Variants in THRB observed in about 807,000 individuals in gnomAD.
THRB encodes nuclear receptor subfamily 1 group A member 2.
THRB carries 12 observed loss-of-function variants against 47.8 expected under a neutral mutation model. That is an observed-to-expected ratio of 0.25 (90% CI 0.16 to 0.41). The LOEUF (loss-of-function observed/expected upper bound fraction) is 0.41. THRB is among the 10% of genes least tolerant of loss of function. The pLI is 1.00. For synonymous variants in THRB, 218 were observed against 212.2 expected (o/e 1.03, Z -0.24); for missense variants, 348 against 589.2 (o/e 0.59, Z 4.24).
intron 4 of THRB, among the ~76,000 whole-genome samples, chr3:24,220,234 T>TA (rs1322169916): frequency 2.0e-5 from 3 of 152,160 alleles, no homozygotes; most frequent in African/African-American, 7.2e-5. Context: ...CTCATGCCTG[T>TA]AATCCCAGCA....
intron 3 of THRB, among the ~76,000 whole-genome samples, chr3:24,281,561 C>A (rs1216507821): frequency 6.8e-6 from 1 of 146,574 alleles, no homozygotes; most frequent in African/African-American, 2.5e-5. Context: ...ATCATAATGA[C>A]AGGATCAAAT....
chr3:24,332,145 C>A (rs2061968858), intron 2 of THRB, among the ~76,000 whole-genome samples: 1 of 152,188 alleles, frequency 6.6e-6, no homozygotes, highest in Admixed American at 6.5e-5. Context: ...TCTGGTAAGA[C>A]CCCCTAAAGA....
At chr3:24,358,167 A>C (rs2063817076) in intron 1 of THRB, among the ~76,000 whole-genome samples, 1 of 152,188 alleles carries the variant, frequency 6.6e-6, no homozygotes, top group Non-Finnish European at 1.5e-5. Flanking sequence ...TTACTAATTC[A>C]TAAGAGTGCT....
At chr3:24,321,822 G>C (rs915912889) in intron 2 of THRB, among the ~76,000 whole-genome samples, 1 of 152,018 alleles carries the variant, frequency 6.6e-6, no homozygotes, top group Non-Finnish European at 1.5e-5. Flanking sequence ...TGTGCTATAA[G>C]TATAAGATAC....
chr3:24,413,133 C>T (rs1250936912), intron 1 of THRB, among the ~76,000 whole-genome samples: 1 of 151,846 alleles, frequency 6.6e-6, no homozygotes, highest in Non-Finnish European at 1.5e-5. Flanking sequence ...CAGCTTTATA[C>T]ACAAAAATGT....
chr3:24,215,863 G>C (rs1444266157), intron 4 of THRB, among the ~76,000 whole-genome samples: 1 of 152,162 alleles, frequency 6.6e-6, no homozygotes, highest in Non-Finnish European at 1.5e-5. Context: ...AGAAAATTCT[G>C]AAGTCCTAGA....
chr3:24,319,610 C>G (rs2058346656), intron 2 of THRB, among the ~76,000 whole-genome samples: 1 of 152,162 alleles, frequency 6.6e-6, no homozygotes, highest in South Asian at 2.1e-4. Flanking sequence ...TTCAGTGTTG[C>G]TGGAAATGTT....
intron 6 of THRB, among the ~76,000 whole-genome samples, chr3:24,151,704 T>A (rs1478381561): frequency 6.6e-6 from 1 of 152,228 alleles, no homozygotes; most frequent in Admixed American, 6.5e-5. Flanking sequence ...CTGAATTTTG[T>A]TGATGAAGTC....
chr3:24,226,058 G>C (rs1318272395), intron 4 of THRB, among the ~76,000 whole-genome samples: 1 of 152,132 alleles, frequency 6.6e-6, no homozygotes, highest in African/African-American at 2.4e-5. Flanking sequence ...GGTTGAAAGA[G>C]CCTACAAAAA....
chr3:24,485,435 A>C (rs1008171429), intron 1 of THRB, among the ~76,000 whole-genome samples: 1 of 152,224 alleles, frequency 6.6e-6, no homozygotes, highest in Non-Finnish European at 1.5e-5. Flanking sequence ...TAACTGCCTC[A>C]GCTCCAGCAG....
chr3:24,345,789 G>T (rs2062974486), intron 1 of THRB, among the ~76,000 whole-genome samples: 1 of 152,080 alleles, frequency 6.6e-6, no homozygotes, highest in South Asian at 2.1e-4. Flanking sequence ...CACATTTAAA[G>T]TGTCAAACTG....
chr3:24,471,278 A>G (rs544158498), intron 1 of THRB, among the ~76,000 whole-genome samples: 6 of 152,190 alleles, frequency 3.9e-5, no homozygotes, highest in African/African-American at 1.4e-4. Flanking sequence ...TGAATCAGAA[A>G]CTCTGGGGAT....
chr3:24,152,093 G>T lies in THRB; in HGVS notation c.384+297C>A, dbSNP rs527955868. 5.9e-5 allele frequency among the ~76,000 whole-genome samples: 9 copies of T among 152,254 alleles called. No individual in the cohort carries two copies. The South Asian group carries it at 1.5e-3, about 25-fold the overall frequency. Reference sequence around the variant, plus strand: ...AGGACCTATGCTTTTTAAACCCAAAGTAAGAGTTTTATTAATTTCTTTTTA... The same window carrying T: ...AGGACCTATGCTTTTTAAACCCAAATTAAGAGTTTTATTAATTTCTTTTTA... On this transcript the variant is annotated intron_variant, in intron 6 of 10. Transcript: ENST00000646209.
At chr3:24,138,049 C>A (rs890701976) in intron 8 of THRB, among the ~76,000 whole-genome samples, 1 of 151,926 alleles carries the variant, frequency 6.6e-6, no homozygotes. Flanking sequence ...CTGCTCAGCA[C>A]GGGTGAGGCT....
intron 1 of THRB, among the ~76,000 whole-genome samples, chr3:24,384,589 T>A (rs1256427385): frequency 6.6e-6 from 1 of 152,144 alleles, no homozygotes; most frequent in Admixed American, 6.6e-5. Flanking sequence ...CTCAGTATAA[T>A]TTCCACCCTT....
At chr3:24,350,391 T>C (rs1022561064) in intron 1 of THRB, among the ~76,000 whole-genome samples, 4 of 152,092 alleles carry the variant, frequency 2.6e-5, no homozygotes, top group Non-Finnish European at 5.9e-5. Context: ...AAAAGACCTG[T>C]ACAAAAATGT....
chr3:24,118,851 C>T lies in THRB; in HGVS notation c.*4033G>A, dbSNP rs151088155. On this transcript the variant is annotated 3_prime_UTR_variant, in exon 11 of 11. Transcript: ENST00000646209. Reference sequence around the variant, plus strand: ...AGCGTTTTACCTGCACAATATTGCTCTTGAAGGCGGCATTAATTAATGTGG... The same window carrying T: ...AGCGTTTTACCTGCACAATATTGCTTTTGAAGGCGGCATTAATTAATGTGG... 160 of 152,666 alleles carry T rather than the reference C, an allele frequency of 1.0e-3. 1 individual carries two copies. The highest frequency in any genetic ancestry group is 1.7e-3 in the Non-Finnish European group (117 of 68,030). 9.5% of individuals were successfully genotyped at this position (152,666 alleles called of 1,614,324 possible).
chr3:24,484,864 A>G (rs1284388396), intron 1 of THRB, among the ~76,000 whole-genome samples: 3 of 152,250 alleles, frequency 2.0e-5, no homozygotes, highest in Non-Finnish European at 2.9e-5. Flanking sequence ...ACCTACAAGT[A>G]TCATTTTATG....
intron 3 of THRB, among the ~76,000 whole-genome samples, chr3:24,291,585 GT>G (rs1297982371): frequency 6.6e-6 from 1 of 152,190 alleles, no homozygotes; most frequent in Middle Eastern, 3.2e-3. Flanking sequence ...TAAATGCTAT[GT>G]AAAGAGTTGT....
Sources: allele counts gnomAD v4.1 joint callset (sites outside exome capture counted in the v4.1 genomes callset), GRCh38; gene constraint gnomAD v4.1.1; transcripts MANE v1.5; gene names NCBI Gene and HGNC (gene_info 2026-07-23, HGNC 2026-07-21).